ERC1: variants seen among roughly 807,000 people sequenced by gnomAD.
ERC1 encodes the protein RAB6 interacting protein 2.
ERC1 carries 56 observed loss-of-function variants against 132.0 expected under a neutral mutation model. The observed-to-expected ratio is 0.42, with a 90% confidence interval of 0.34 to 0.53. The LOEUF is 0.53. Ranked by LOEUF, ERC1 falls within the 20% of genes least tolerant of loss-of-function variation. The probability of loss-of-function intolerance (pLI) is 0.03; values close to 1 mark genes in which losing one functional copy is unlikely to be tolerated. For synonymous variants in ERC1, 478 were observed against 476.1 expected, an observed-to-expected ratio of 1.00 and a Z score of -0.05; for missense variants, 1,202 against 1,349.9, an observed-to-expected ratio of 0.89 and a Z score of 1.72.
At chr12:1,148,993 G>A (rs1950613038) in intron 8 of ERC1, among the ~76,000 whole-genome samples, 1 of 152,102 alleles carries the variant, frequency 6.6e-6, no homozygotes, top group Non-Finnish European at 1.5e-5. Context: ...TGACGTTACT[G>A]TATTAAGGTG....
intron 15 of ERC1, among the ~76,000 whole-genome samples, chr12:1,326,215 G>T (rs2082435214): frequency 6.6e-6 from 1 of 152,128 alleles, no homozygotes; most frequent in African/African-American, 2.4e-5. Flanking sequence ...AGTGAACAAG[G>T]TGTTAGAATC....
intron 1 of ERC1, among the ~76,000 whole-genome samples, chr12:996,493 G>T (rs1180344081): frequency 6.6e-5 from 10 of 151,924 alleles, no homozygotes; most frequent in African/African-American, 2.4e-4. Context: ...GAGGCAGGAG[G>T]ATTGCTTGAG....
chr12:1,090,914 A>C (rs1943107784), intron 3 of ERC1, among the ~76,000 whole-genome samples: 1 of 30,714 alleles, frequency 3.3e-5, no homozygotes, highest in African/African-American at 6.5e-5. Flanking sequence ...TATTATTATC[A>C]TTTGTGACAG....
intron 16 of ERC1, among the ~76,000 whole-genome samples, chr12:1,389,876 A>C (rs963207887): frequency 2.0e-5 from 3 of 152,240 alleles, no homozygotes; most frequent in Non-Finnish European, 4.4e-5. Context: ...TTTTGCATTC[A>C]GTCTCTAAGC....
rs1450541652 is a variant in ERC1 at position 992,162 on chromosome 12, G to C, written c.-157+840G>C. 2.0e-5 allele frequency among the ~76,000 whole-genome samples: 3 copies of C among 152,036 alleles called. No homozygotes were observed. The East Asian group carries it at 5.8e-4, about 29-fold the overall frequency. On this transcript the variant is annotated intron_variant, in intron 1 of 18. Transcript: ENST00000360905. The stretch of plus-strand genomic sequence containing the variant: ...AGCTCCTTCAAGGTGGTGTCTTCCA[G>C]TTTTTTTTCCCCCCAATGCCTAAAA...
intron 2 of ERC1, among the ~76,000 whole-genome samples, chr12:1,046,206 G>A (rs1188029264): frequency 6.6e-6 from 1 of 152,176 alleles, no homozygotes; most frequent in Admixed American, 6.5e-5. Context: ...AAGGAATTGT[G>A]CATCATTCCA....
At chr12:1,303,234 G>T (rs1212082410) in intron 15 of ERC1, among the ~76,000 whole-genome samples, 1 of 152,082 alleles carries the variant, frequency 6.6e-6, no homozygotes, top group East Asian at 1.9e-4. Flanking sequence ...CACATCAATG[G>T]ACTCTTCCTT....
chr12:1,267,023 T>C (rs956301987), intron 14 of ERC1, among the ~76,000 whole-genome samples: 7 of 152,348 alleles, frequency 4.6e-5, no homozygotes, highest in Middle Eastern at 6.8e-3. Context: ...AGAACTCCCA[T>C]AAGAAAACAT....
At position 1,183,308 on chromosome 12, in the gene ERC1, GCTT is replaced by G. The variant is rs760606888; in HGVS notation, c.2050_2052del (p.Ser684del). ...TTCACTTTTGGATCTGAAAGAGCAT[GCTT>G]CTTCTCTGGCATCCTCAGGACTGAA... On this transcript the variant is annotated inframe_deletion, in exon 11 of 19. Transcript: ENST00000360905. 7.0e-6 allele frequency: 11 copies of G among 1,574,592 alleles called. No homozygotes were observed. Among genetic ancestry groups the G allele is most frequent in the Non-Finnish European group, 8.7e-6 (10 of 1,154,714 alleles).
intron 17 of ERC1, among the ~76,000 whole-genome samples, chr12:1,440,453 T>TG (rs2093098651): frequency 6.9e-6 from 1 of 145,068 alleles, no homozygotes; most frequent in African/African-American, 2.7e-5. Context: ...TGATCTGCCC[T>TG]CCTTGGCCTC....
chr12:1,119,044 AT>A (rs570263527), intron 7 of ERC1, among the ~76,000 whole-genome samples: 9 of 152,090 alleles, frequency 5.9e-5, no homozygotes, highest in Admixed American at 1.3e-4. Flanking sequence ...CACCTGGCTA[AT>A]TTTTAAAACT....
chr12:1,302,409 C>T (rs1485859982), intron 15 of ERC1, among the ~76,000 whole-genome samples: 2 of 152,018 alleles, frequency 1.3e-5, no homozygotes, highest in Admixed American at 1.3e-4. Flanking sequence ...GTAAGCTGAA[C>T]CCTGAGATTG....
chr12:1,401,749 A>T (rs1364559903), intron 16 of ERC1, among the ~76,000 whole-genome samples: 1 of 87,356 alleles, frequency 1.1e-5, no homozygotes, highest in Non-Finnish European at 2.1e-5. Flanking sequence ...GGAGGGCGGT[A>T]AAAAAAAAAA....
chr12:1,167,770 G>A (rs1223152260), intron 8 of ERC1, among the ~76,000 whole-genome samples: 2 of 149,276 alleles, frequency 1.3e-5, no homozygotes, highest in Non-Finnish European at 1.5e-5. Context: ...AGGCTGGAGT[G>A]CAGTGGCGTG....
intron 2 of ERC1, among the ~76,000 whole-genome samples, chr12:1,049,771 A>G (rs1971613590): frequency 7.6e-6 from 1 of 130,902 alleles, no homozygotes; most frequent in South Asian, 2.4e-4. Flanking sequence ...TTTTTTTTTA[A>G]GATGGAGTCT....
At chr12:1,198,442 AG>A (rs1956550620) in intron 12 of ERC1, among the ~76,000 whole-genome samples, 1 of 152,242 alleles carries the variant, frequency 6.6e-6, no homozygotes, top group Non-Finnish European at 1.5e-5. Flanking sequence ...TGAGAAAGAT[AG>A]AACTGGAGAT....
At chr12:996,570 G>C (rs1960956488) in intron 1 of ERC1, among the ~76,000 whole-genome samples, 1 of 152,054 alleles carries the variant, frequency 6.6e-6, no homozygotes, top group African/African-American at 2.4e-5. Flanking sequence ...TCCAGCCTGG[G>C]CTACATAGTG....
At chr12:1,426,462 G>A (rs968808001) in intron 17 of ERC1, among the ~76,000 whole-genome samples, 38 of 152,100 alleles carry the variant, frequency 2.5e-4, no homozygotes, top group African/African-American at 8.9e-4. Context: ...GGGTGTAGTC[G>A]TTTACTAATA....
At chr12:1,365,800 C>A (rs73040853) in intron 15 of ERC1, among the ~76,000 whole-genome samples, 4,719 of 152,168 alleles carry the variant, frequency 0.031, 81 homozygotes, top group Middle Eastern at 0.071. Context: ...CAGCATAATA[C>A]CTGAAAGATA....
Sources: gnomAD v4.1 joint callset for allele counts (sites outside exome capture counted in the v4.1 genomes callset) on GRCh38, gnomAD v4.1.1 for gene constraint, MANE v1.5 for transcripts, NCBI Gene and HGNC (gene_info 2026-07-23, HGNC 2026-07-21) for gene names.